The following MOB3B variants were observed in gnomAD, a reference collection of about 807,000 sequenced individuals.
The protein encoded by MOB3B is MOB kinase activator-like 2B.
Under a neutral mutation model 18.7 loss-of-function variants are expected in MOB3B, and 7 were observed. The observed-to-expected ratio is 0.37, with a 90% CI of 0.21 to 0.70. MOB3B has a LOEUF of 0.70. MOB3B is among the 30% of genes least tolerant of loss of function. MOB3B has a pLI of 0.52. For synonymous variants in MOB3B, 111 were observed against 99.9 expected (o/e 1.11, Z -0.66); for missense variants, 253 against 281.3 (o/e 0.90, Z 0.72).
At chr9:27,383,048 T>C (rs2131375883) in intron 2 of MOB3B, among the ~76,000 whole-genome samples, 1 of 152,120 alleles carries the variant, frequency 6.6e-6, no homozygotes, top group South Asian at 2.1e-4. Context: ...GAGAAGAAAA[T>C]GTCCATCAAT....
Position 27,410,848 on chromosome 9 carries a change from A to G in MOB3B, c.418+44285T>C, listed in dbSNP as rs541342371. Among the ~76,000 whole-genome samples the G allele has an allele frequency of 7.5e-4, 115 of 152,324 alleles. No individual in the cohort carries two copies. The South Asian group carries it at 0.021, about 28-fold the overall frequency. On this transcript the variant is annotated intron_variant, in intron 2 of 3. Coordinates refer to ENST00000262244, the MANE Select transcript of MOB3B (RefSeq NM_024761.5). ...TGGTGATTGAATTATCTTTCTCTCT[A>G]TATAGCTATATGAATCACACTACAT... is the stretch of plus-strand genomic sequence containing the variant.
At chr9:27,499,509 A>C (rs1198593600) in intron 1 of MOB3B, among the ~76,000 whole-genome samples, 2 of 152,228 alleles carry the variant, frequency 1.3e-5, no homozygotes, top group African/African-American at 4.8e-5. Flanking sequence ...AACAACTGGA[A>C]TATTAATCAT....
chr9:27,453,956 G>C (rs958262555), intron 2 of MOB3B, among the ~76,000 whole-genome samples: 4 of 152,048 alleles, frequency 2.6e-5, no homozygotes, highest in Admixed American at 6.6e-5. Flanking sequence ...TGTGAACTGG[G>C]GGATTTGCCC....
chr9:27,458,139 C>A (rs1041816892), intron 1 of MOB3B, among the ~76,000 whole-genome samples: 1 of 152,154 alleles, frequency 6.6e-6, no homozygotes, highest in African/African-American at 2.4e-5. Context: ...ACAAATGAGA[C>A]TTGCTCTTCT....
chr9:27,334,358 C>T (rs1820832773), intron 3 of MOB3B, among the ~76,000 whole-genome samples: 4 of 151,922 alleles, frequency 2.6e-5, no homozygotes, highest in Admixed American at 2.6e-4. Context: ...GAAAACAAGA[C>T]CGGTTATTTA....
chr9:27,493,664 C>T (rs753356974), intron 1 of MOB3B, among the ~76,000 whole-genome samples: 2 of 152,036 alleles, frequency 1.3e-5, no homozygotes, highest in Non-Finnish European at 2.9e-5. Context: ...TTCATGGACA[C>T]TTGTCACTTC....
intron 3 of MOB3B, among the ~76,000 whole-genome samples, chr9:27,348,712 G>A (rs1563846764): frequency 6.6e-6 from 1 of 152,046 alleles, no homozygotes; most frequent in Non-Finnish European, 1.5e-5. Flanking sequence ...AGTGTGGGCT[G>A]GACTTAGTAA....
At chr9:27,491,645 A>G (rs2477527) in intron 1 of MOB3B, among the ~76,000 whole-genome samples, 141,947 of 152,240 alleles carry the variant, frequency 0.93, 66,774 homozygotes, top group East Asian at 1. Context: ...GAGGCCGAGC[A>G]GGCAGATCAC....
intron 2 of MOB3B, among the ~76,000 whole-genome samples, chr9:27,451,317 T>C (rs930346347): frequency 2.0e-5 from 3 of 152,212 alleles, no homozygotes; most frequent in African/African-American, 4.8e-5. Context: ...TACTGCTCTT[T>C]CAAGGGCTTT....
At chr9:27,479,407 T>C (rs929879467) in intron 1 of MOB3B, among the ~76,000 whole-genome samples, 2 of 152,188 alleles carry the variant, frequency 1.3e-5, no homozygotes, top group Non-Finnish European at 2.9e-5. Flanking sequence ...CACTGATGCA[T>C]TGAGGATTAA....
chr9:27,492,541 A>G (rs908345479), intron 1 of MOB3B, among the ~76,000 whole-genome samples: 2 of 152,228 alleles, frequency 1.3e-5, no homozygotes, highest in African/African-American at 4.8e-5. Flanking sequence ...AATGAAATTC[A>G]TCTAGCATCT....
chr9:27,367,150 T>C (rs994535262), intron 2 of MOB3B, among the ~76,000 whole-genome samples: 1 of 152,198 alleles, frequency 6.6e-6, no homozygotes, highest in Non-Finnish European at 1.5e-5. Flanking sequence ...ACCGTTGGAA[T>C]GAGAGCTGAG....
chr9:27,377,395 A>G (rs1259823661), intron 2 of MOB3B, among the ~76,000 whole-genome samples: 1 of 152,166 alleles, frequency 6.6e-6, no homozygotes, highest in Admixed American at 6.5e-5. Context: ...ACACTACGGA[A>G]GTGCTGAAAA....
chr9:27,391,817 G>A (rs573734090), intron 2 of MOB3B: 4 of 152,250 alleles, frequency 2.6e-5, no homozygotes, highest in African/African-American at 4.8e-5. Context: ...GCTTTTCTTC[G>A]AAGAGATTAA....
intron 1 of MOB3B, among the ~76,000 whole-genome samples, chr9:27,504,882 T>C (rs1053740158): frequency 1.3e-5 from 2 of 152,154 alleles, no homozygotes; most frequent in Admixed American, 1.3e-4. Flanking sequence ...GAGAATCCAC[T>C]TCCTTGCCTT....
At chr9:27,350,747 A>C (rs1212241556) in intron 3 of MOB3B, among the ~76,000 whole-genome samples, 3 of 152,120 alleles carry the variant, frequency 2.0e-5, no homozygotes, top group African/African-American at 7.2e-5. Context: ...CTAATCTCTG[A>C]GCCTTTGCAT....
intron 3 of MOB3B, among the ~76,000 whole-genome samples, chr9:27,353,331 T>C (rs1821136136): frequency 6.6e-6 from 1 of 152,208 alleles, no homozygotes; most frequent in South Asian, 2.1e-4. Context: ...TGAGGGTGCT[T>C]GGTACTAGGC....
chr9:27,416,234 C>T (rs1014079378), intron 2 of MOB3B, among the ~76,000 whole-genome samples: 1 of 151,780 alleles, frequency 6.6e-6, no homozygotes, highest in Non-Finnish European at 1.5e-5. Flanking sequence ...CGTAGGACCT[C>T]ATACCTTAAG....
intron 1 of MOB3B, among the ~76,000 whole-genome samples, chr9:27,491,948 A>G (rs1348103994): frequency 6.6e-6 from 1 of 152,238 alleles, no homozygotes; most frequent in Non-Finnish European, 1.5e-5. Context: ...CACTACTTTT[A>G]TAGGCATATC....
Sources: allele counts gnomAD v4.1 joint callset (sites outside exome capture counted in the v4.1 genomes callset), GRCh38; gene constraint gnomAD v4.1.1; transcripts MANE v1.5; gene names NCBI Gene and HGNC (gene_info 2026-07-23, HGNC 2026-07-21).